The following NPIPB2 variants were observed in gnomAD, a reference collection of about 807,000 sequenced individuals.
NPIPB2 encodes the protein nuclear pore complex interacting protein family member B2, also known as nuclear pore complex-interacting protein family member B2.
A neutral mutation model predicts 30.8 loss-of-function variants in NPIPB2; 27 were observed. The ratio of observed to expected loss-of-function variants is 0.88; its 90% CI spans 0.65 to 1.21. The LOEUF (loss-of-function observed/expected upper bound fraction) is 1.21. NPIPB2 is among the 50% of genes most tolerant of loss of function. The pLI is 0.00. For missense variants in NPIPB2, 440 were observed against 446.2 expected, an observed-to-expected ratio of 0.99 and a Z score of 0.13; for synonymous variants, 147 against 162.0, an observed-to-expected ratio of 0.91 and a Z score of 0.70.
intron 4 of NPIPB2, among the ~76,000 whole-genome samples, chr16:11,930,936 C>CTGGTTT (rs2054782888): frequency 1.9e-5 from 2 of 106,526 alleles, no homozygotes; most frequent in African/African-American, 7.4e-5. Context: ...CTCACCAATT[C>CTGGTTT]ATCACAACTA....
chr16:11,958,411 G>T (rs1462482174), intron 1 of NPIPB2, among the ~76,000 whole-genome samples: 1 of 148,586 alleles, frequency 6.7e-6, no homozygotes, highest in Admixed American at 6.8e-5. Context: ...CTGGATGACA[G>T]AGCGAGACTC....
Position 11,969,304 on chromosome 16 carries a change from C to T in NPIPB2, c.-584+7264G>A, listed in dbSNP as rs542318143. On this transcript the variant is annotated intron_variant, in intron 1 of 5. Transcript: ENST00000538896. ...AGACAGTCTCGCTCTGTCGTTGACACGGGAGTGCAGTGGTGCGATCTCAGC... is the reference window on the plus strand; with the variant it reads ...AGACAGTCTCGCTCTGTCGTTGACATGGGAGTGCAGTGGTGCGATCTCAGC... Among the ~76,000 whole-genome samples the T allele has an allele frequency of 7.2e-5, 11 of 152,114 alleles. No homozygotes were observed. In the South Asian group the frequency reaches 1.2e-3, roughly 17 times the overall value.
intron 4 of NPIPB2, among the ~76,000 whole-genome samples, chr16:11,931,025 G>A (rs1431546631): frequency 2.8e-5 from 4 of 144,766 alleles, no homozygotes; most frequent in African/African-American, 7.7e-5. Context: ...GGCTGATGCC[G>A]GAACTGAGAC....
At chr16:11,927,745 G>C (rs745826221) in exon 8 of NPIPB2, 1 of 1,597,646 alleles carries the variant, frequency 6.3e-7, no homozygotes, top group East Asian at 2.2e-5. Context: ...GGCTCAGGGA[G>C]TTATCAGTTA....
Position 11,931,936 on chromosome 16 carries a change from T to C in NPIPB2, c.489-1385A>G, listed in dbSNP as rs1485157686. ...ATTGCTGAATTCCAGAAGGAACTAC[T>C]GAGATGCAAAGAAGCACAGCAGCTT... On this transcript the variant is annotated intron_variant, in intron 4 of 7. Transcript: ENST00000399147. Among the ~76,000 whole-genome samples, 7 of 150,724 alleles carry C rather than the reference T, an allele frequency of 4.6e-5. No individual in the cohort carries two copies. In the East Asian group the frequency reaches 1.4e-3, roughly 29 times the overall value.
intron 2 of NPIPB2, among the ~76,000 whole-genome samples, chr16:11,934,810 G>T (rs2150911578): frequency 7.8e-6 from 1 of 128,998 alleles, no homozygotes; most frequent in Non-Finnish European, 1.6e-5. Context: ...AGTGAGCCAA[G>T]ATCCCACCAC....
chr16:11,930,338 T>G, intron 5 of NPIPB2, 112 bp downstream of exon 5: 1 of 1,018,272 alleles, frequency 9.8e-7, no homozygotes, highest in Non-Finnish European at 1.4e-6. Context: ...ATATGTCTTC[T>G]GACCATTTGT....
rs568615542 is a variant in NPIPB2 at position 11,937,874 on chromosome 16, C to A, written c.64-206G>T. Among the ~76,000 whole-genome samples the A allele has an allele frequency of 1.3e-5, 2 of 152,240 alleles. 1 individual carries two copies. The highest frequency in any genetic ancestry group is 4.1e-4 in the South Asian group (2 of 4,824). The stretch of plus-strand genomic sequence containing the variant: ...TGGCTGGTAGTGTTTTTAGGCATTG[C>A]AAATGTGGGGTGTTGTCTTTCTTGG... On this transcript the variant is annotated intron_variant, in intron 1 of 7. Coordinates refer to ENST00000399147, the Ensembl canonical transcript of NPIPB2.
intron 1 of NPIPB2, chr16:11,965,161 G>A (rs934572322): frequency 1.1e-5 from 9 of 796,730 alleles, no homozygotes; most frequent in African/African-American, 5.2e-5. Flanking sequence ...CTTAGCTGCC[G>A]CGAAGACACA....
intron 1 of NPIPB2, among the ~76,000 whole-genome samples, chr16:11,953,105 C>T (rs147547185): frequency 1.5e-4 from 23 of 152,176 alleles, no homozygotes; most frequent in African/African-American, 5.5e-4. Flanking sequence ...AACCATTTGA[C>T]GGACTTGGAG....
upstream of NPIPB2, among the ~76,000 whole-genome samples, chr16:11,942,371 C>G (rs2054952808): frequency 6.7e-6 from 1 of 149,414 alleles, no homozygotes; most frequent in African/African-American, 2.5e-5. Context: ...AACAAGATTG[C>G]CTTTCAACTC....
chr16:11,952,766 A>G (rs540170773), intron 1 of NPIPB2, among the ~76,000 whole-genome samples: 18 of 151,766 alleles, frequency 1.2e-4, no homozygotes, highest in African/African-American at 4.4e-4. Context: ...GGGTTTTGCA[A>G]TGTTGGCCAG....
intron 4 of NPIPB2, among the ~76,000 whole-genome samples, chr16:11,932,752 G>T (rs1256585183): frequency 2.9e-5 from 3 of 102,640 alleles, no homozygotes; most frequent in African/African-American, 7.5e-5. Flanking sequence ...CTCTAGCCTG[G>T]GTGACAGAGT....
At chr16:11,944,321 C>T (rs1235355871), upstream of NPIPB2, among the ~76,000 whole-genome samples, 2 of 151,686 alleles carry the variant, frequency 1.3e-5, no homozygotes, top group African/African-American at 4.8e-5. Flanking sequence ...CGCGTGCCAC[C>T]ACACCCAGCT....
chr16:11,947,330 A>T (rs866669015), intron 1 of NPIPB2, among the ~76,000 whole-genome samples: 27 of 138,606 alleles, frequency 1.9e-4, no homozygotes, highest in African/African-American at 6.8e-4. Context: ...ATTTATATAT[A>T]TATATATTTA....
At chr16:11,927,641 G>T (rs1451004918) in exon 8 of NPIPB2, 1 of 1,599,040 alleles carries the variant, frequency 6.3e-7, no homozygotes, top group Admixed American at 1.7e-5. Flanking sequence ...AGCTGAGGGT[G>T]GAAGGGGAGT....
chr16:11,954,153 T>G (rs184113372), intron 1 of NPIPB2, among the ~76,000 whole-genome samples: 8 of 152,134 alleles, frequency 5.3e-5, no homozygotes, highest in Non-Finnish European at 7.4e-5. Context: ...TGTATCTCTT[T>G]CATGCAAAAT....
intron 1 of NPIPB2, among the ~76,000 whole-genome samples, chr16:11,963,236 C>T (rs1414208547): frequency 1.3e-5 from 2 of 151,990 alleles, no homozygotes; most frequent in Non-Finnish European, 2.9e-5. Context: ...AAAAACTAGC[C>T]AGGCGTGGTG....
In NPIPB2 at chr16:11,965,412, T is replaced by G. The variant is rs190015454; in HGVS notation, c.-584+11156A>C. 27 of 1,614,198 alleles carry G rather than the reference T, an allele frequency of 1.7e-5. No individual in the cohort carries two copies. The South Asian group carries it at 1.8e-4, about 11-fold the overall frequency. ...CATACCTTGTCAACTTCGATGTTCT[T>G]CTAATACTCCTCCTCTAACATGTCA... On this transcript the variant is annotated intron_variant, in intron 1 of 5. Transcript: ENST00000538896.
Sources: allele counts gnomAD v4.1 joint callset (sites outside exome capture counted in the v4.1 genomes callset), GRCh38; gene constraint gnomAD v4.1.1; transcripts MANE v1.5; gene names NCBI Gene and HGNC (gene_info 2026-07-23, HGNC 2026-07-21).